FKBP10: variants seen among roughly 807,000 people sequenced by gnomAD.
FKBP10 encodes the protein peptidyl-prolyl cis-trans isomerase FKBP10.
Under a neutral mutation model 53.7 loss-of-function variants are expected in FKBP10, and 34 were observed. That is an observed-to-expected ratio of 0.63 (90% CI 0.48 to 0.84). The LOEUF (loss-of-function observed/expected upper bound fraction) is 0.84. Ranked by LOEUF, FKBP10 falls within the 40% of genes least tolerant of loss-of-function variation. The pLI, the probability that FKBP10 is intolerant of heterozygous loss-of-function variation, is 0.00. For synonymous variants in FKBP10, 324 were observed against 335.7 expected (o/e 0.97, Z 0.38); for missense variants, 748 against 797.8 (o/e 0.94, Z 0.75).
chr17:41,821,064 G>A lies in FKBP10; in HGVS notation c.1374G>A (p.Pro458=), dbSNP rs201069033. Residue 458 remains proline (P), a synonymous_variant, in exon 8 of 10, where the codon CCG becomes CCA. Transcript: ENST00000321562. ...VGERRQLIVP[P]HLAHGESGAR... ...AGAGGCGGCAGCTCATCGTGCCCCC[G>A]CACCTGGCCCACGGGGAGAGTGGAG... 935 of 1,522,882 alleles carry A rather than the reference G, an allele frequency of 6.1e-4. 8 individuals are homozygous for A. In the East Asian group the frequency reaches 0.023, roughly 38 times the overall value. 94.3% of individuals were successfully genotyped at this position (1,522,882 alleles called of 1,614,324 possible).
intron 1 of FKBP10, among the ~76,000 whole-genome samples, chr17:41,814,424 G>A (rs1233241636): frequency 2.0e-5 from 3 of 152,208 alleles, no homozygotes; most frequent in East Asian, 1.9e-4. Flanking sequence ...ATGAATGAAC[G>A]TAGGCTTCTC....
rs1424755311 is a variant in FKBP10 at position 41,819,624 on chromosome 17, C to G, written c.1012C>G (p.Arg338Gly). Residue 338 changes from arginine to glycine, a missense_variant, in exon 6 of 10, where the codon CGC becomes GGC. By Grantham distance (125) the Arg-to-Gly change is moderately radical. Transcript: ENST00000321562. ...QGLQGACMGE[R>G]RRITIPPHLA... is the part of the protein sequence containing the mutation. ...GCTGCAGGGTGCCTGCATGGGGGAA[C>G]GCCGGAGAATTACCATCCCCCCGCA... 2 of 1,613,012 alleles carry G rather than the reference C, an allele frequency of 1.2e-6. No homozygotes were observed. Among genetic ancestry groups the G allele is most frequent in the South Asian group, 1.1e-5 (1 of 90,902 alleles).
At chr17:41,816,961 GT>G in intron 1 of FKBP10, 96 bp from the exon 2 acceptor site, 1 of 1,460,436 alleles carries the variant, frequency 6.8e-7, no homozygotes, top group Admixed American at 1.8e-5. Flanking sequence ...AGGGGGGATT[GT>G]GTGCGTGTGT....
rs199997285 is a variant in FKBP10 at position 41,821,777 on chromosome 17, A to G, written c.1523A>G (p.Asp508Gly). 1.2e-6 allele frequency: 2 copies of G among 1,614,168 alleles called. No individual in the cohort carries two copies. The highest frequency in any genetic ancestry group is 1.7e-6 in the Non-Finnish European group (2 of 1,180,022). ...HKDPPANLFE[D>G]MDLNKDGEVP... ...GACCCTCCTGCCAACCTGTTTGAAG[A>G]CATGGACCTCAACAAGGATGGCGAG... The change falls in exon 9 of 10, where the codon GAC becomes GGC. Residue 508 changes from aspartate to glycine, a missense_variant. Physicochemically the swap from Asp to Gly is moderately conservative, Grantham distance 94 (BLOSUM62 -1). Coordinates refer to ENST00000321562, the MANE Select transcript of FKBP10 (RefSeq NM_021939.4).
At chr17:41,821,516 G>T in intron 8 of FKBP10, 138 bp from the exon 9 acceptor site, 3 of 1,056,638 alleles carry the variant, frequency 2.8e-6, no homozygotes, top group Non-Finnish European at 1.3e-6. Flanking sequence ...CTTCAGGATG[G>T]CTCCTTAAAC....
chr17:41,820,644 C>A, intron 7 of FKBP10, 183 bp downstream of exon 7: 1 of 711,504 alleles, frequency 1.4e-6, no homozygotes. Context: ...AAATTCTCTG[C>A]TTCGCAGGGG....
At chr17:41,814,202 G>A (rs1337748746) in intron 1 of FKBP10, among the ~76,000 whole-genome samples, 4 of 152,190 alleles carry the variant, frequency 2.6e-5, no homozygotes, top group Non-Finnish European at 5.9e-5. Flanking sequence ...ACACAACTCA[G>A]CCCACAGGAA....
rs577264401 is a variant in FKBP10 at position 41,818,270 on chromosome 17, C to T, written c.573C>T (p.Phe191=). 113 of 1,613,778 alleles carry T rather than the reference C, an allele frequency of 7.0e-5. No homozygotes were observed. In the East Asian group the frequency reaches 1.9e-3, roughly 27 times the overall value. The change falls in exon 3 of 10, where the codon TTC becomes TTT. Residue 191 remains phenylalanine (F), a synonymous_variant. Transcript: ENST00000321562. ...YNGTLLDGTS[F]DTSYSKGGTY... is the part of the protein sequence containing the mutation. ...GCACCCTGCTGGACGGCACCTCCTTCGACACCAGGTGAGGGGCTGGAGGGG... is the reference window on the plus strand; with the variant it reads ...GCACCCTGCTGGACGGCACCTCCTTTGACACCAGGTGAGGGGCTGGAGGGG...
chr17:41,817,785 A>T (rs1231489200), intron 2 of FKBP10, among the ~76,000 whole-genome samples: 1 of 151,754 alleles, frequency 6.6e-6, no homozygotes, highest in African/African-American at 2.4e-5. Flanking sequence ...ACACCACCAC[A>T]CGTGGCTAAT....
chr17:41,821,657 G>C lies in FKBP10; in HGVS notation c.1403G>C (p.Arg468Pro). 1 of 1,613,712 alleles carries C rather than the reference G, an allele frequency of 6.2e-7. No homozygotes were observed. Among genetic ancestry groups the C allele is most frequent in the Non-Finnish European group, 8.5e-7 (1 of 1,179,912 alleles). Residue 468 changes from arginine to proline, a missense_variant, in exon 9 of 10, where the codon CGG (arginine) becomes CCG (proline). Physicochemically the swap from Arg to Pro is moderately radical, Grantham distance 103. Coordinates refer to ENST00000321562, the MANE Select transcript of FKBP10 (RefSeq NM_021939.4). ...PHLAHGESGARGVPGSAVLLF... is the reference protein window; with the variant it reads ...PHLAHGESGAPGVPGSAVLLF... Reference sequence around the variant, plus strand: ...TTCTCTCCTGCCCTCCCTCCAGCCCGGGGAGTCCCAGGCAGTGCTGTGCTG... The same window carrying C: ...TTCTCTCCTGCCCTCCCTCCAGCCCCGGGAGTCCCAGGCAGTGCTGTGCTG...
Position 41,819,390 on chromosome 17 carries a change from T to C in FKBP10, c.908T>C (p.Phe303Ser). The C allele has an allele frequency of 1.2e-6, 2 of 1,607,892 alleles. No homozygotes were observed. Among genetic ancestry groups the C allele is most frequent in the Non-Finnish European group, 1.7e-6 (2 of 1,176,844 alleles). Residue 303 changes from phenylalanine to serine, a missense_variant, in exon 5 of 10, where the codon TTC becomes TCC. Physicochemically the swap from Phe to Ser is radical, Grantham distance 155. Transcript: ENST00000321562. ...GGCTCCTTGATGGACGGCACCCTCT[T>C]CGATTCCAGGTCAGGAGGGTCTTGA... is the stretch of plus-strand genomic sequence containing the variant. ...YNGSLMDGTL[F>S]DSSYSRNHTY...
Position 41,822,328 on chromosome 17 carries a change from A to G in FKBP10, c.1669A>G (p.Asn557Asp), listed in dbSNP as rs1179014079. ...AGACATGTTCCAGAACCAGGACCGC[A>G]ACCAGGACGGCAAGATCACAGTCGA... is the stretch of plus-strand genomic sequence containing the variant. ...IGDMFQNQDR[N>D]QDGKITVDEL... Residue 557 changes from asparagine to aspartate, a missense_variant, in exon 10 of 10, where the codon AAC becomes GAC. Coordinates refer to ENST00000321562, the MANE Select transcript of FKBP10 (RefSeq NM_021939.4). 3 of 1,613,814 alleles carry G rather than the reference A, an allele frequency of 1.9e-6. No individual in the cohort carries two copies. The highest frequency in any genetic ancestry group is 2.5e-6 in the Non-Finnish European group (3 of 1,179,890).
At chr17:41,816,670 C>T (rs938586125) in intron 1 of FKBP10, among the ~76,000 whole-genome samples, 4 of 152,126 alleles carry the variant, frequency 2.6e-5, no homozygotes, top group Admixed American at 6.5e-5. Context: ...AAAGAAGATA[C>T]GGAATGTAAA....
intron 4 of FKBP10, 27 bp from the exon 5 acceptor site, chr17:41,819,183 A>G: frequency 6.2e-7 from 1 of 1,612,968 alleles, no homozygotes; most frequent in South Asian, 1.1e-5. Context: ...CCCCAATTTT[A>G]TGGTTCAAGC....
intron 6 of FKBP10, 131 bp downstream of exon 6, chr17:41,819,806 A>T (rs782178042): frequency 5.2e-6 from 8 of 1,539,506 alleles, no homozygotes; most frequent in Non-Finnish European, 7.0e-6. Flanking sequence ...CATGCAGCTT[A>T]CATCTGGTCA....
Position 41,822,554 on chromosome 17 carries a change from T to C in FKBP10, c.*146T>C, listed in dbSNP as rs1555617432. 4.6e-6 allele frequency: 4 copies of C among 870,784 alleles called. No individual in the cohort carries two copies. The highest frequency in any genetic ancestry group is 2.0e-5 in the Admixed American group (1 of 49,422). The allele number at this position is 870,784 out of a possible 1,614,324, so 53.9% of individuals were successfully genotyped here. On this transcript the variant is annotated 3_prime_UTR_variant, in exon 10 of 10. Coordinates refer to ENST00000321562, the MANE Select transcript of FKBP10 (RefSeq NM_021939.4). ...AAAACAATGGCAGAGGAGACATCTC[T>C]GGTGTTCCCACCACCCTAGATGAAA...
At position 41,820,469 on chromosome 17, in the gene FKBP10, CG is replaced by C. The variant is rs55720039; in HGVS notation, c.1256+17del. 714 of 918,882 alleles carry C rather than the reference CG, an allele frequency of 7.8e-4. No individual in the cohort carries two copies. Among genetic ancestry groups the C allele is most frequent in the Non-Finnish European group, 8.5e-4 (506 of 594,154 alleles). 56.9% of individuals were successfully genotyped at this position (918,882 alleles called of 1,614,324 possible). On this transcript the variant is annotated intron_variant, in intron 7 of 9. Transcript: ENST00000321562. ...CACCCAGCTGTTCACCTCGTGGGTC[CG>C]GGGGGGGGCCGGGACTGGGCAGGTG...
chr17:41,819,496 A>T, intron 5 of FKBP10, 34 bp from the exon 6 acceptor site: 1 of 1,613,226 alleles, frequency 6.2e-7, no homozygotes, highest in South Asian at 1.1e-5. Context: ...GGCCCCTTTG[A>T]CTCCCTTCCT....
Position 41,820,368 on chromosome 17 carries a change from C to G in FKBP10, c.1163C>G (p.Pro388Arg). ...GTGGAAATCAGGACACTGTCCCGGC[C>G]ATCTGAGACCTGCAATGAGACCACC... ...DVVEIRTLSRPSETCNETTKL... is the reference protein window; with the variant it reads ...DVVEIRTLSRRSETCNETTKL... Residue 388 changes from proline to arginine, a missense_variant, in exon 7 of 10, where the codon CCA becomes CGA. By Grantham distance (103) the Pro-to-Arg change is moderately radical. Transcript: ENST00000321562. 1 of 1,614,194 alleles carries G rather than the reference C, an allele frequency of 6.2e-7. No individual in the cohort carries two copies. Among genetic ancestry groups the G allele is most frequent in the Non-Finnish European group, 8.5e-7 (1 of 1,180,032 alleles).
Sources: gnomAD v4.1 joint callset for allele counts (sites outside exome capture counted in the v4.1 genomes callset) on GRCh38, gnomAD v4.1.1 for gene constraint, MANE v1.5 for transcripts, NCBI Gene and HGNC (gene_info 2026-07-23, HGNC 2026-07-21) for gene names.